CCDC171: variants seen among roughly 807,000 people sequenced by gnomAD.
CCDC171 encodes coiled-coil domain-containing protein 171.
CCDC171 carries 177 observed loss-of-function variants against 168.2 expected under a neutral mutation model. The ratio of observed to expected loss-of-function variants is 1.05; its 90% confidence interval spans 0.93 to 1.19. The LOEUF (loss-of-function observed/expected upper bound fraction) is 1.19. Among genes scored for constraint, CCDC171 ranks in the 50% most tolerant of loss-of-function variants. The pLI, the probability that CCDC171 is intolerant of heterozygous loss-of-function variation, is 0.00. For synonymous variants in CCDC171, 687 were observed against 540.8 expected (o/e 1.27, Z -3.75); for missense variants, 1,991 against 1,539.0 (o/e 1.29, Z -4.91).
intron 23 of CCDC171, among the ~76,000 whole-genome samples, chr9:15,866,118 G>A (rs957230497): frequency 6.6e-6 from 1 of 151,928 alleles, no homozygotes; most frequent in Non-Finnish European, 1.5e-5. Context: ...GCTCAATGAG[G>A]CAGGTAGTAG....
chr9:15,605,759 T>C (rs2043184302), intron 6 of CCDC171, among the ~76,000 whole-genome samples: 1 of 152,058 alleles, frequency 6.6e-6, no homozygotes, highest in Non-Finnish European at 1.5e-5. Flanking sequence ...TCTTGCCCCT[T>C]TCACCTCTGA....
intron 3 of CCDC171, among the ~76,000 whole-genome samples, chr9:15,983,817 A>AGTGTGTGTGTGTGTGTGTGT (rs58951910): frequency 7.0e-6 from 1 of 142,532 alleles, no homozygotes; most frequent in African/African-American, 2.6e-5. Flanking sequence ...AAATAAAGAG[A>AGTGTGTGTGTGTGTGTGTGT]GTGTGTGTGT....
chr9:15,916,445 T>G (rs1824532056), intron 24 of CCDC171, among the ~76,000 whole-genome samples: 1 of 152,016 alleles, frequency 6.6e-6, no homozygotes, highest in African/African-American at 2.4e-5. Context: ...TGTATATAAT[T>G]ATATGAATTA....
intron 1 of CCDC171, among the ~76,000 whole-genome samples, chr9:15,554,821 A>C: frequency 6.6e-6 from 1 of 152,172 alleles, no homozygotes. Context: ...TTTTACACAA[A>C]TTATTCAACA....
intron 23 of CCDC171, among the ~76,000 whole-genome samples, chr9:15,859,205 C>G (rs7028328): frequency 0.78 from 118,195 of 151,976 alleles, 46,893 homozygotes; most frequent in East Asian, 0.89. Flanking sequence ...ATTTTTGTAT[C>G]TTGAACCATT....
chr9:15,747,080 G>A (rs972764892), intron 18 of CCDC171, among the ~76,000 whole-genome samples: 4 of 152,202 alleles, frequency 2.6e-5, no homozygotes, highest in African/African-American at 4.8e-5. Flanking sequence ...GGGGGAGGGC[G>A]TCTGCCATTG....
intron 24 of CCDC171, among the ~76,000 whole-genome samples, chr9:15,893,229 A>G (rs893588255): frequency 6.6e-6 from 1 of 152,198 alleles, no homozygotes; most frequent in African/African-American, 2.4e-5. Context: ...CTGGCTAGCC[A>G]TATGCAAAAT....
At chr9:15,793,970 T>A (rs918867752) in intron 21 of CCDC171, among the ~76,000 whole-genome samples, 1 of 152,102 alleles carries the variant, frequency 6.6e-6, no homozygotes, top group Admixed American at 6.5e-5. Context: ...ACCTTATTCC[T>A]TTAGGTTTTT....
chr9:15,744,245 C>A (rs924091283), intron 16 of CCDC171, 28 bp from the exon 17 acceptor site: 28 of 1,524,110 alleles, frequency 1.8e-5, no homozygotes, highest in Non-Finnish European at 2.5e-5. Flanking sequence ...GTTTCATGAT[C>A]AAATATATTT....
intron 25 of CCDC171, among the ~76,000 whole-genome samples, chr9:15,970,859 A>G (rs1831289046): frequency 6.6e-6 from 1 of 152,178 alleles, no homozygotes; most frequent in Non-Finnish European, 1.5e-5. Context: ...ACCAGGGACT[A>G]TGAGAGTGGG....
chr9:15,906,789 A>C (rs955413060), intron 24 of CCDC171, among the ~76,000 whole-genome samples: 1 of 152,132 alleles, frequency 6.6e-6, no homozygotes, highest in African/African-American at 2.4e-5. Flanking sequence ...GTCTCAGCCC[A>C]AAATCTCCTT....
At chr9:15,760,044 T>G (rs1329431502) in intron 18 of CCDC171, among the ~76,000 whole-genome samples, 1 of 152,216 alleles carries the variant, frequency 6.6e-6, no homozygotes. Context: ...ATCTATTTAG[T>G]AAGTATTCTG....
At chr9:16,006,125 G>T (rs967495873) in intron 3 of CCDC171, among the ~76,000 whole-genome samples, 1 of 152,108 alleles carries the variant, frequency 6.6e-6, no homozygotes, top group Non-Finnish European at 1.5e-5. Context: ...GCCCTCCAAA[G>T]TTCTGAGATT....
At chr9:15,982,738 T>C (rs1831839785) in intron 3 of CCDC171, among the ~76,000 whole-genome samples, 1 of 152,132 alleles carries the variant, frequency 6.6e-6, no homozygotes, top group Admixed American at 6.6e-5. Flanking sequence ...ATGGTCACTT[T>C]AGGTTCTTAA....
At chr9:15,778,181 C>T (rs963690437) in intron 19 of CCDC171, among the ~76,000 whole-genome samples, 10 of 151,628 alleles carry the variant, frequency 6.6e-5, no homozygotes, top group African/African-American at 2.4e-4. Flanking sequence ...CCTGTAGTCC[C>T]AGCTACTCGG....
At chr9:16,087,378 G>T in the CCDC171 span, among the ~76,000 whole-genome samples, 823 of 152,098 alleles carry the variant, frequency 5.4e-3, 8 homozygotes, top group African/African-American at 0.019. Flanking sequence ...TCTCTTTGTA[G>T]GTCTCTAAGA....
intron 25 of CCDC171, among the ~76,000 whole-genome samples, chr9:15,964,398 T>A (rs191064910): frequency 6.6e-6 from 1 of 152,298 alleles, no homozygotes; most frequent in East Asian, 1.9e-4. Context: ...TGTGTCTTTT[T>A]ATATATTTGA....
At chr9:15,920,999 T>G (rs1825248922) in intron 25 of CCDC171, among the ~76,000 whole-genome samples, 1 of 151,674 alleles carries the variant, frequency 6.6e-6, no homozygotes, top group African/African-American at 2.4e-5. Flanking sequence ...AATATATTTT[T>G]GGGGAGTTTT....
chr9:15,978,877 C>A (rs189510095), downstream of CCDC171, among the ~76,000 whole-genome samples: 46 of 152,286 alleles, frequency 3.0e-4, no homozygotes, highest in Non-Finnish European at 6.5e-4. Flanking sequence ...GCTCTGAACC[C>A]ATTGGCAATC....
Sources: allele counts gnomAD v4.1 joint callset (sites outside exome capture counted in the v4.1 genomes callset), GRCh38; gene constraint gnomAD v4.1.1; transcripts MANE v1.5; gene names NCBI Gene and HGNC (gene_info 2026-07-23, HGNC 2026-07-21).